TMEM30B: variants seen among roughly 807,000 people sequenced by gnomAD.
TMEM30B encodes cell cycle control protein 50B.
In TMEM30B, 25 loss-of-function variants were observed where a neutral mutation model predicts 27.9. The ratio of observed to expected loss-of-function variants is 0.89; its 90% confidence interval spans 0.65 to 1.25. The LOEUF is 1.25. TMEM30B is among the 50% of genes most tolerant of loss of function. The probability of loss-of-function intolerance (pLI) is 0.00; values close to 1 mark genes in which losing one functional copy is unlikely to be tolerated. For synonymous variants in TMEM30B, 248 were observed against 238.5 expected, an observed-to-expected ratio of 1.04 and a Z score of -0.37; for missense variants, 536 against 506.5, an observed-to-expected ratio of 1.06 and a Z score of -0.56.
rs1450484453 is a variant in TMEM30B, at chr14:61,280,803, G to C, written c.345C>G (p.Thr115=). The part of the protein sequence containing the change: ...QGPVYLYYEL[T]NFYQNNRRYG... ...AGCGCCGGTTGTTCTGGTAGAAGTTGGTCAGCTCGTAGTAGAGGTACACTG... is the reference window on the plus strand; with the variant it reads ...AGCGCCGGTTGTTCTGGTAGAAGTTCGTCAGCTCGTAGTAGAGGTACACTG... Residue 115 remains threonine (T), a synonymous_variant, in exon 1 of 1, where the codon ACC becomes ACG. Transcript: ENST00000555868. The surrounding 1 kb of genome is among the most constrained non-coding windows in gnomAD (Gnocchi z 5.0). The C allele has an allele frequency of 2.6e-6, 4 of 1,561,030 alleles. No individual in the cohort carries two copies. The South Asian group carries it at 4.8e-5, about 19-fold the overall frequency.
Position 61,280,610 on chromosome 14 carries a change from G to A in TMEM30B, c.538C>T (p.Arg180Cys), listed in dbSNP as rs758952187. The part of the protein sequence containing the change: ...FNDSFSLWHQ[R>C]QPGGPYVEVP... ...TCGACGTAGGGCCCGCCGGGCTGGC[G>A]CTGGTGCCAAAGCGAGAAGGAGTCG... is the stretch of plus-strand genomic sequence containing the variant. The change falls in exon 1 of 1, where the codon CGC (arginine) becomes TGC (cysteine). Residue 180 changes from arginine (R) to cysteine (C), a missense_variant. Coordinates refer to ENST00000555868, the MANE Select transcript of TMEM30B (RefSeq NM_001017970.3). This position sits in a 1 kb window ranked among gnomAD's most constrained non-coding sequence, Gnocchi z 5.0. 23 of 1,584,566 alleles carry A rather than the reference G, an allele frequency of 1.5e-5. No individual in the cohort carries two copies. The highest frequency in any genetic ancestry group is 2.0e-5 in the Non-Finnish European group (23 of 1,165,856).
In TMEM30B at chr14:61,280,446, G is replaced by A. The variant is rs979897996; in HGVS notation, c.702C>T (p.Tyr234=). ...TGTTGTTGGGGTCGGGGCTGAGCTC[G>A]TAGACTGGCCGGCGCCAGTTGGGCG... ...APPPNWRRPV[Y]ELSPDPNNTG... The change falls in exon 1 of 1, where the codon TAC becomes TAT. Residue 234 remains tyrosine (Y), a synonymous_variant. Coordinates refer to ENST00000555868, the MANE Select transcript of TMEM30B (RefSeq NM_001017970.3). The surrounding 1 kb of genome is among the most constrained non-coding windows in gnomAD (Gnocchi z 5.0). 6.2e-7 allele frequency: 1 copy of A among 1,613,878 alleles called. No homozygotes were observed. Among genetic ancestry groups the A allele is most frequent in the East Asian group, 2.2e-5 (1 of 44,864 alleles).
rs1290272576 is a variant in TMEM30B, at chr14:61,277,975, T to C, written c.*2117A>G. The stretch of plus-strand genomic sequence containing the variant: ...GTTCAAAAGAATTCAGCAAACTCGA[T>C]AACAAAGGTAAGACAAACATAACCT... On this transcript the variant is annotated 3_prime_UTR_variant, in exon 1 of 1. Transcript: ENST00000555868. 1 of 152,226 alleles carries C rather than the reference T, an allele frequency of 6.6e-6. No individual in the cohort carries two copies. 9.4% of individuals were successfully genotyped at this position (152,226 alleles called of 1,614,324 possible). A position where few individuals can be genotyped will look rare whatever the true frequency, so the allele number is the denominator to read the frequency against.
In TMEM30B at chr14:61,280,187, A is replaced by G; in HGVS notation, c.961T>C (p.Tyr321His). The G allele has an allele frequency of 6.2e-7, 1 of 1,614,144 alleles. No homozygotes were observed. The highest frequency in any genetic ancestry group is 8.5e-7 in the Non-Finnish European group (1 of 1,180,010). ...ATGCAGAGGGAGCCGACGACCAGGT[A>G]GGCGATGCCCAGGAAGGGGTTCTTG... ...GGKNPFLGIA[Y>H]LVVGSLCILT... The change falls in exon 1 of 1, where the codon TAC becomes CAC. Residue 321 changes from tyrosine to histidine, a missense_variant. By Grantham distance (83) the Tyr-to-His change is moderately conservative. Transcript: ENST00000555868. This position sits in a 1 kb window ranked among gnomAD's most constrained non-coding sequence, Gnocchi z 5.0.
In TMEM30B at chr14:61,280,922, A is replaced by G. The variant is rs1413566714; in HGVS notation, c.226T>C (p.Cys76Arg). The G allele has an allele frequency of 1.3e-6, 2 of 1,544,552 alleles. No homozygotes were observed. The highest frequency in any genetic ancestry group is 2.7e-5 in the African/African-American group (2 of 73,268). Residue 76 changes from cysteine to arginine, a missense_variant, in exon 1 of 1, where the codon TGC becomes CGC. Transcript: ENST00000555868. This position sits in a 1 kb window ranked among gnomAD's most constrained non-coding sequence, Gnocchi z 5.0. ...TGGCCAGCCGCGGCGCACACCGAGC[A>G]GTTACCGGTGCCCGGGTCGCCTGTA... The part of the protein sequence containing the change: ...DYTGDPGTGN[C>R]SVCAAAGQGR...
rs749993954 is a variant in TMEM30B at position 61,280,434 on chromosome 14, G to A, written c.714C>T (p.Pro238=). The change falls in exon 1 of 1, where the codon CCC becomes CCT. Residue 238 remains proline (P), a synonymous_variant. Coordinates refer to ENST00000555868, the MANE Select transcript of TMEM30B (RefSeq NM_001017970.3). This position sits in a 1 kb window ranked among gnomAD's most constrained non-coding sequence, Gnocchi z 5.0. ...NWRRPVYELS[P]DPNNTGFINQ... ...TGATGAAGCCGGTGTTGTTGGGGTCGGGGCTGAGCTCGTAGACTGGCCGGC... is the reference window on the plus strand; with the variant it reads ...TGATGAAGCCGGTGTTGTTGGGGTCAGGGCTGAGCTCGTAGACTGGCCGGC... 4.3e-6 allele frequency: 7 copies of A among 1,613,884 alleles called. No individual in the cohort carries two copies. The highest frequency in any genetic ancestry group is 4.5e-5 in the East Asian group (2 of 44,880).
chr14:61,281,244 C>G lies in TMEM30B; in HGVS notation c.-97G>C. On this transcript the variant is annotated 5_prime_UTR_variant, in exon 1 of 1. Coordinates refer to ENST00000555868, the MANE Select transcript of TMEM30B (RefSeq NM_001017970.3). The stretch of plus-strand genomic sequence containing the variant: ...GCCGCGCAAGCCCGGGGACTGCTCG[C>G]GGGTCGGGTTTCCCGCCAGCTCAGG... 1 of 743,394 alleles carries G rather than the reference C, an allele frequency of 1.3e-6. No homozygotes were observed. Among genetic ancestry groups the G allele is most frequent in the Non-Finnish European group, 1.9e-6 (1 of 535,202 alleles). 46.0% of individuals were successfully genotyped at this position (743,394 alleles called of 1,614,324 possible).
Position 61,279,213 on chromosome 14 carries a change from A to C in TMEM30B, c.*879T>G, listed in dbSNP as rs544809774. 6.6e-6 allele frequency: 1 copy of C among 152,204 alleles called. No individual in the cohort carries two copies. Among genetic ancestry groups the C allele is most frequent in the Non-Finnish European group, 1.5e-5 (1 of 68,042 alleles). The allele number at this position is 152,204 out of a possible 1,614,324, so 9.4% of individuals were successfully genotyped here. A position where few individuals can be genotyped will look rare whatever the true frequency, so the allele number is the denominator to read the frequency against. ...TTTACACCAAAATACTAAAATATCA[A>C]ATGAATCACATAAACCCTGTCCTAC... On this transcript the variant is annotated 3_prime_UTR_variant, in exon 1 of 1. Coordinates refer to ENST00000555868, the MANE Select transcript of TMEM30B (RefSeq NM_001017970.3).
At position 61,280,539 on chromosome 14, in the gene TMEM30B, G is replaced by T. The variant is rs779365636; in HGVS notation, c.609C>A (p.His203Gln). ...RSGIAWWTDYHVKFRNPPLVN... is the reference protein window; with the variant it reads ...RSGIAWWTDYQVKFRNPPLVN... ...CCAGCGGCGGGTTGCGGAACTTGAC[G>T]TGGTAGTCGGTCCACCAGGCGATGC... The change falls in exon 1 of 1, where the codon CAC (histidine) becomes CAA (glutamine). Residue 203 changes from histidine (H) to glutamine (Q), a missense_variant. By Grantham distance (24) the His-to-Gln change is conservative (BLOSUM62 0). Transcript: ENST00000555868. This position sits in a 1 kb window ranked among gnomAD's most constrained non-coding sequence, Gnocchi z 5.0. 1.8e-5 allele frequency: 29 copies of T among 1,611,878 alleles called. No individual in the cohort carries two copies. The highest frequency in any genetic ancestry group is 2.5e-5 in the Non-Finnish European group (29 of 1,179,374).
Position 61,280,431 on chromosome 14 carries a change from G to C in TMEM30B, c.717C>G (p.Asp239Glu). Residue 239 changes from aspartate to glutamate, a missense_variant, in exon 1 of 1, where the codon GAC (aspartate) becomes GAG (glutamate). Coordinates refer to ENST00000555868, the MANE Select transcript of TMEM30B (RefSeq NM_001017970.3). The surrounding 1 kb of genome is among the most constrained non-coding windows in gnomAD (Gnocchi z 5.0). ...WRRPVYELSP[D>E]PNNTGFINQD... ...GATTGATGAAGCCGGTGTTGTTGGG[G>C]TCGGGGCTGAGCTCGTAGACTGGCC... 6.2e-7 allele frequency: 1 copy of C among 1,614,010 alleles called. No homozygotes were observed. The highest frequency in any genetic ancestry group is 1.3e-5 in the African/African-American group (1 of 75,070).
Position 61,281,192 on chromosome 14 carries a change from C to G in TMEM30B, c.-45G>C, listed in dbSNP as rs2045262612. On this transcript the variant is annotated 5_prime_UTR_variant, in exon 1 of 1. Transcript: ENST00000555868. ...ACGCGCGGGCTGACCGAGTGGGGGC[C>G]CCGCCGCGGGGCGCCTCCCTCTCCG... is the stretch of plus-strand genomic sequence containing the variant. 1 of 1,215,418 alleles carries G rather than the reference C, an allele frequency of 8.2e-7. No homozygotes were observed. The highest frequency in any genetic ancestry group is 1.6e-5 in the African/African-American group (1 of 62,218). The allele number at this position is 1,215,418 out of a possible 1,614,324, so 75.3% of individuals were successfully genotyped here. A position where few individuals can be genotyped will look rare whatever the true frequency, so the allele number is the denominator to read the frequency against.
chr14:61,280,320 G>A lies in TMEM30B; in HGVS notation c.828C>T (p.Ala276=). The change falls in exon 1 of 1, where the codon GCC becomes GCT. Residue 276 remains alanine, a synonymous_variant. Transcript: ENST00000555868. This position sits in a 1 kb window ranked among gnomAD's most constrained non-coding sequence, Gnocchi z 5.0. ...YARIRQGNYS[A]GLPRGAYRVN... is the part of the protein sequence containing the mutation. ...CGCGGTAGGCGCCCCGCGGCAGCCCGGCCGAGTAGTTGCCCTGGCGGATGC... is the reference window on the plus strand; with the variant it reads ...CGCGGTAGGCGCCCCGCGGCAGCCCAGCCGAGTAGTTGCCCTGGCGGATGC... 6.2e-7 allele frequency: 1 copy of A among 1,613,874 alleles called. No individual in the cohort carries two copies. The highest frequency in any genetic ancestry group is 8.5e-7 in the Non-Finnish European group (1 of 1,179,958).
In TMEM30B at chr14:61,280,999, C is replaced by G. The variant is rs1427529589; in HGVS notation, c.149G>C (p.Gly50Ala). Residue 50 changes from glycine to alanine, a missense_variant, in exon 1 of 1, where the codon GGC (glycine) becomes GCC (alanine). Gly to Ala is a moderately conservative substitution (Grantham distance 60, BLOSUM62 0). Coordinates refer to ENST00000555868, the MANE Select transcript of TMEM30B (RefSeq NM_001017970.3). The surrounding 1 kb of genome is among the most constrained non-coding windows in gnomAD (Gnocchi z 5.0). ...FCAGLAFIGL[G>A]LGLYYSSNGI... ...GTTGGAGGAGTAGTAGAGGCCCAGG[C>G]CCAGGCCGATGAAGGCCAGGCCCGC... 1 of 1,540,322 alleles carries G rather than the reference C, an allele frequency of 6.5e-7. No individual in the cohort carries two copies. Among genetic ancestry groups the G allele is most frequent in the Non-Finnish European group, 8.7e-7 (1 of 1,145,688 alleles).
rs1594887818 is a variant in TMEM30B at position 61,279,606 on chromosome 14, G to A, written c.*486C>T. ...CCCTCACGCCTCCACGTCTCTGCAG[G>A]TAATTTGTGGGCCTCACTCTCCATT... is the stretch of plus-strand genomic sequence containing the variant. On this transcript the variant is annotated 3_prime_UTR_variant, in exon 1 of 1. Transcript: ENST00000555868. The A allele has an allele frequency of 1.3e-5, 2 of 154,532 alleles. No individual in the cohort carries two copies. Among genetic ancestry groups the A allele is most frequent in the Non-Finnish European group, 2.9e-5 (2 of 69,924 alleles). The allele number at this position is 154,532 out of a possible 1,614,324, so 9.6% of individuals were successfully genotyped here.
In TMEM30B at chr14:61,280,511, T is replaced by C. The variant is rs762817797; in HGVS notation, c.637A>G (p.Asn213Asp). The C allele has an allele frequency of 2.8e-5, 45 of 1,612,868 alleles. No individual in the cohort carries two copies. In the East Asian group the frequency reaches 9.1e-4, roughly 33 times the overall value. Residue 213 changes from asparagine to aspartate, a missense_variant, in exon 1 of 1, where the codon AAC (asparagine) becomes GAC (aspartate). Transcript: ENST00000555868. This position sits in a 1 kb window ranked among gnomAD's most constrained non-coding sequence, Gnocchi z 5.0. ...HVKFRNPPLV[N>D]GSLALAFQGT... ...TGGAAGGCCAACGCCAGGCTGCCGT[T>C]GACCAGCGGCGGGTTGCGGAACTTG...
Position 61,280,176 on chromosome 14 carries a change from G to C in TMEM30B, c.972C>G (p.Val324=). Residue 324 remains valine (V), a synonymous_variant, in exon 1 of 1, where the codon GTC becomes GTG. Coordinates refer to ENST00000555868, the MANE Select transcript of TMEM30B (RefSeq NM_001017970.3). The surrounding 1 kb of genome is among the most constrained non-coding windows in gnomAD (Gnocchi z 5.0). ...AGCCGGTGAGGATGCAGAGGGAGCCGACGACCAGGTAGGCGATGCCCAGGA... is the reference window on the plus strand; with the variant it reads ...AGCCGGTGAGGATGCAGAGGGAGCCCACGACCAGGTAGGCGATGCCCAGGA... ...NPFLGIAYLV[V]GSLCILTGFV... The C allele has an allele frequency of 1.2e-6, 2 of 1,614,124 alleles. No individual in the cohort carries two copies. Among genetic ancestry groups the C allele is most frequent in the Non-Finnish European group, 1.7e-6 (2 of 1,179,998 alleles).
In TMEM30B at chr14:61,280,302, G is replaced by C. The variant is rs756799817; in HGVS notation, c.846C>G (p.Ala282=). The C allele has an allele frequency of 7.4e-6, 12 of 1,613,692 alleles. No individual in the cohort carries two copies. In the African/African-American group the frequency reaches 1.2e-4, roughly 16 times the overall value. Residue 282 remains alanine, a synonymous_variant, in exon 1 of 1, where the codon GCC becomes GCG. Transcript: ENST00000555868. The surrounding 1 kb of genome is among the most constrained non-coding windows in gnomAD (Gnocchi z 5.0). ...AGTTGTAGGTGATGTTGACGCGGTAGGCGCCCCGCGGCAGCCCGGCCGAGT... is the reference window on the plus strand; with the variant it reads ...AGTTGTAGGTGATGTTGACGCGGTACGCGCCCCGCGGCAGCCCGGCCGAGT... The part of the protein sequence containing the change: ...GNYSAGLPRG[A]YRVNITYNYP...
At position 61,280,974 on chromosome 14, in the gene TMEM30B, G is replaced by GT; in HGVS notation, c.173dup (p.Asn58LysfsTer18). On this transcript the variant is annotated frameshift_variant, in exon 1 of 1. Coordinates refer to ENST00000555868, the MANE Select transcript of TMEM30B (RefSeq NM_001017970.3). LOFTEE classifies it high-confidence loss of function. The surrounding 1 kb of genome is among the most constrained non-coding windows in gnomAD (Gnocchi z 5.0). The stretch of plus-strand genomic sequence containing the variant: ...AGTCGTACTCCAGCTCCTTGATGCC[G>GT]TTGGAGGAGTAGTAGAGGCCCAGGC... 6.5e-7 allele frequency: 1 copy of GT among 1,542,966 alleles called. No individual in the cohort carries two copies. Among genetic ancestry groups the GT allele is most frequent in the Non-Finnish European group, 8.7e-7 (1 of 1,147,076 alleles).
rs1170494847 is a variant in TMEM30B at position 61,280,133 on chromosome 14, AGAC to A, written c.1012_1014del (p.Val338del). 1 of 1,613,782 alleles carries A rather than the reference AGAC, an allele frequency of 6.2e-7. No individual in the cohort carries two copies. The highest frequency in any genetic ancestry group is 8.5e-7 in the Non-Finnish European group (1 of 1,179,882). ...TCGTCCTGGTCCTGGTAGCGAATGT[AGAC>A]GACCAGCATGACAAAGCCGGTGAGG... On this transcript the variant is annotated inframe_deletion, in exon 1 of 1. Coordinates refer to ENST00000555868, the MANE Select transcript of TMEM30B (RefSeq NM_001017970.3). This position sits in a 1 kb window ranked among gnomAD's most constrained non-coding sequence, Gnocchi z 5.0.
Sources: allele counts gnomAD v4.1 joint callset, GRCh38; gene constraint gnomAD v4.1.1; non-coding constraint Gnocchi (gnomAD v3.1); transcripts MANE v1.5; gene names NCBI Gene and HGNC (gene_info 2026-07-23, HGNC 2026-07-21).